TLL1: variants seen among roughly 807,000 people sequenced by gnomAD.
The protein encoded by TLL1 is tolloid like 1.
In TLL1, 49 loss-of-function variants were observed where a neutral mutation model predicts 128.2. The observed-to-expected ratio is 0.38, with a 90% confidence interval of 0.30 to 0.48. The LOEUF is 0.48. TLL1 is among the 20% of genes least tolerant of loss of function. The probability of loss-of-function intolerance (pLI) is 0.96; values close to 1 mark genes in which losing one functional copy is unlikely to be tolerated. For synonymous variants in TLL1, 454 were observed against 418.8 expected (o/e 1.08, Z -1.03); for missense variants, 1,123 against 1,242.0 (o/e 0.90, Z 1.44).
intron 1 of TLL1, among the ~76,000 whole-genome samples, chr4:165,944,924 C>G (rs1324712196): frequency 1.3e-5 from 2 of 151,928 alleles, no homozygotes; most frequent in Non-Finnish European, 2.9e-5. Context: ...GTCGGTAACT[C>G]AGAAAAGAGG....
chr4:165,961,153 A>G (rs1268532438), intron 1 of TLL1, among the ~76,000 whole-genome samples: 1 of 152,182 alleles, frequency 6.6e-6, no homozygotes, highest in African/African-American at 2.4e-5. Flanking sequence ...TAAAAAAATC[A>G]GTAGCATTTT....
In TLL1 at chr4:165,995,041, AC is replaced by A; in HGVS notation, c.515-19del. 6.2e-7 allele frequency: 1 copy of A among 1,603,722 alleles called. No homozygotes were observed. The highest frequency in any genetic ancestry group is 8.5e-7 in the Non-Finnish European group (1 of 1,170,738). On this transcript the variant is annotated intron_variant, in intron 4 of 20. Coordinates refer to ENST00000061240, the MANE Select transcript of TLL1 (RefSeq NM_012464.5). ...TCCTGGGGATGCCACCTTTTCATTA[AC>A]ATCACACATTTTTTCTAGGCAGCCA...
chr4:166,102,473 A>C lies in TLL1; in HGVS notation c.*1597A>C, dbSNP rs989109206. 13 of 152,390 alleles carry C rather than the reference A, an allele frequency of 8.5e-5. No individual in the cohort carries two copies. Among genetic ancestry groups the C allele is most frequent in the African/African-American group, 3.1e-4 (13 of 41,440 alleles). 9.4% of individuals were successfully genotyped at this position (152,390 alleles called of 1,614,324 possible). A position where few individuals can be genotyped will look rare whatever the true frequency, so the allele number is the denominator to read the frequency against. ...AAGTTCTACTAGAATTCCATTTGAAATAGCACCTTCCTTAGGTTTCATGGA... is the reference window on the plus strand; with the variant it reads ...AAGTTCTACTAGAATTCCATTTGAACTAGCACCTTCCTTAGGTTTCATGGA... On this transcript the variant is annotated 3_prime_UTR_variant, in exon 21 of 21. Transcript: ENST00000061240.
chr4:166,082,791 C>T (rs556132985), intron 18 of TLL1, among the ~76,000 whole-genome samples: 12 of 152,210 alleles, frequency 7.9e-5, no homozygotes, highest in Admixed American at 7.2e-4. Context: ...AATTCTCCTG[C>T]CTCAGCCTCC....
chr4:165,974,792 C>G (rs569268884), intron 1 of TLL1, among the ~76,000 whole-genome samples: 1 of 152,322 alleles, frequency 6.6e-6, no homozygotes, highest in African/African-American at 2.4e-5. Context: ...TCATTGCCAG[C>G]TCCAAATCTC....
intron 1 of TLL1, among the ~76,000 whole-genome samples, chr4:165,895,633 TAAAAAAAAAAAAA>T (rs57920393): frequency 5.8e-4 from 40 of 68,450 alleles, no homozygotes; most frequent in African/African-American, 3.7e-3. Context: ...AGACTTTTTG[TAAAAAAAAAAAAA>T]AAAAAAAAAA....
chr4:166,019,633 G>A (rs955699044), intron 8 of TLL1, among the ~76,000 whole-genome samples: 1 of 151,916 alleles, frequency 6.6e-6, no homozygotes, highest in South Asian at 2.1e-4. Flanking sequence ...TGGGTTTTAT[G>A]GTCTGTGATA....
At chr4:166,004,048 T>C (rs928246907) in intron 6 of TLL1, among the ~76,000 whole-genome samples, 1 of 152,090 alleles carries the variant, frequency 6.6e-6, no homozygotes, top group Non-Finnish European at 1.5e-5. Flanking sequence ...CAAGCTAATA[T>C]AAATAGTTTT....
chr4:166,022,671 A>G (rs1025058434), intron 8 of TLL1, among the ~76,000 whole-genome samples: 1 of 152,226 alleles, frequency 6.6e-6, no homozygotes, highest in Admixed American at 6.5e-5. Context: ...GGAGTCAGCT[A>G]TAAAAGTAAC....
At chr4:166,047,385 C>G (rs566771530) in intron 12 of TLL1, among the ~76,000 whole-genome samples, 1 of 151,358 alleles carries the variant, frequency 6.6e-6, no homozygotes, top group South Asian at 2.1e-4. Flanking sequence ...AGGATGGTCT[C>G]GATCTCCTGA....
chr4:165,988,100 T>C (rs1476470852), intron 1 of TLL1, among the ~76,000 whole-genome samples: 1 of 152,122 alleles, frequency 6.6e-6, no homozygotes, highest in East Asian at 1.9e-4. Context: ...TTTTTGTGCT[T>C]CCTAAAGTTA....
At chr4:166,012,102 G>C (rs1442051339) in intron 7 of TLL1, among the ~76,000 whole-genome samples, 1 of 151,420 alleles carries the variant, frequency 6.6e-6, no homozygotes, top group African/African-American at 2.4e-5. Context: ...CTGAACTGTG[G>C]ACTGCCCATT....
At chr4:165,959,927 G>A (rs1735013030) in intron 1 of TLL1, among the ~76,000 whole-genome samples, 1 of 151,806 alleles carries the variant, frequency 6.6e-6, no homozygotes, top group Admixed American at 6.6e-5. Context: ...TCACACCAAA[G>A]GAACTAAAGA....
At chr4:166,052,922 A>C (rs763944874) in intron 12 of TLL1, among the ~76,000 whole-genome samples, 1 of 119,654 alleles carries the variant, frequency 8.4e-6, no homozygotes, top group South Asian at 2.6e-4. Context: ...GAGAACCCTG[A>C]TTTTGAAGGG....
intron 8 of TLL1, among the ~76,000 whole-genome samples, chr4:166,021,936 T>C (rs1284519510): frequency 6.6e-6 from 1 of 152,224 alleles, no homozygotes; most frequent in Non-Finnish European, 1.5e-5. Context: ...TGCTTCGTTT[T>C]AAAGGATGGT....
intron 1 of TLL1, among the ~76,000 whole-genome samples, chr4:165,949,214 G>A (rs558543959): frequency 6.6e-6 from 1 of 152,224 alleles, no homozygotes; most frequent in Admixed American, 6.6e-5. Flanking sequence ...ATAAAGATTT[G>A]AGGAATGTTC....
chr4:166,091,383 C>T (rs769042864), intron 19 of TLL1, 42 bp downstream of exon 19: 8 of 1,560,690 alleles, frequency 5.1e-6, no homozygotes, highest in Non-Finnish European at 7.0e-6. Context: ...TGACTGAGAT[C>T]CAGGTTTTTC....
intron 7 of TLL1, among the ~76,000 whole-genome samples, chr4:166,014,143 T>C (rs1187697019): frequency 2.6e-5 from 4 of 151,916 alleles, no homozygotes; most frequent in African/African-American, 4.8e-5. Flanking sequence ...CCAAAACAAA[T>C]GTCATGGTGT....
intron 1 of TLL1, among the ~76,000 whole-genome samples, chr4:165,985,712 A>G (rs1294726226): frequency 6.6e-6 from 1 of 152,060 alleles, no homozygotes; most frequent in Non-Finnish European, 1.5e-5. Flanking sequence ...GCTTATTCTC[A>G]TCATACATTA....
Sources: allele counts gnomAD v4.1 joint callset (sites outside exome capture counted in the v4.1 genomes callset), GRCh38; gene constraint gnomAD v4.1.1; transcripts MANE v1.5; gene names NCBI Gene and HGNC (gene_info 2026-07-23, HGNC 2026-07-21).